LRMDA: variants seen among roughly 807,000 people sequenced by gnomAD.
LRMDA encodes leucine-rich melanocyte differentiation-associated protein.
In LRMDA, 18 loss-of-function variants were observed where a neutral mutation model predicts 29.8. That is an observed-to-expected ratio of 0.60 (90% CI 0.42 to 0.90). The LOEUF is 0.90. Ranked by LOEUF, LRMDA falls within the 40% of genes least tolerant of loss-of-function variation. The probability of loss-of-function intolerance (pLI) is 0.00; values close to 1 mark genes in which losing one functional copy is unlikely to be tolerated. For missense variants in LRMDA, 273 were observed against 273.9 expected (o/e 1.00, Z 0.02); for synonymous variants, 125 against 109.4 (o/e 1.14, Z -0.89).
chr10:75,911,914 T>C (rs1338651965), intron 2 of LRMDA, among the ~76,000 whole-genome samples: 1 of 152,196 alleles, frequency 6.6e-6, no homozygotes, highest in Non-Finnish European at 1.5e-5. Flanking sequence ...TATTACCCTT[T>C]CTGTGTACAT....
chr10:75,433,449 G>T (rs1389020364), intron 1 of LRMDA, among the ~76,000 whole-genome samples: 1 of 152,178 alleles, frequency 6.6e-6, no homozygotes, highest in Non-Finnish European at 1.5e-5. Context: ...GAGCTAAGAA[G>T]GTAGGCTGGG....
chr10:75,731,748 G>C (rs1285925643), intron 2 of LRMDA, among the ~76,000 whole-genome samples: 1 of 152,222 alleles, frequency 6.6e-6, no homozygotes, highest in African/African-American at 2.4e-5. Flanking sequence ...TGATACGATA[G>C]AAATGATGTC....
intron 6 of LRMDA, chr10:76,402,202 A>G (rs1307922415): frequency 6.6e-6 from 1 of 152,214 alleles, no homozygotes; most frequent in Non-Finnish European, 1.5e-5. Context: ...AGGCAGAATA[A>G]TGTGCTAGGT....
At chr10:75,986,885 A>G (rs1162014563) in intron 2 of LRMDA, among the ~76,000 whole-genome samples, 2 of 152,198 alleles carry the variant, frequency 1.3e-5, no homozygotes, top group South Asian at 2.1e-4. Context: ...ACTGAGATTC[A>G]CTTTACTGGT....
chr10:76,378,927 G>A (rs1397474017), intron 6 of LRMDA, among the ~76,000 whole-genome samples: 3 of 142,678 alleles, frequency 2.1e-5, no homozygotes, highest in Non-Finnish European at 4.5e-5. Context: ...CGCCATTTTG[G>A]CTCACTGCAA....
At chr10:75,476,231 A>T (rs974861875) in intron 2 of LRMDA, among the ~76,000 whole-genome samples, 8 of 152,178 alleles carry the variant, frequency 5.3e-5, no homozygotes, top group Non-Finnish European at 1.2e-4. Context: ...TTAATTTTTT[A>T]AAAAATCATT....
At chr10:76,352,487 G>A (rs1039434260) in intron 6 of LRMDA, among the ~76,000 whole-genome samples, 2 of 152,054 alleles carry the variant, frequency 1.3e-5, no homozygotes, top group Non-Finnish European at 2.9e-5. Flanking sequence ...TATACAGAAT[G>A]GACACACTGG....
chr10:76,058,830 G>T (rs939073730), intron 5 of LRMDA, 47 bp downstream of exon 5: 19 of 1,443,430 alleles, frequency 1.3e-5, no homozygotes, highest in Non-Finnish European at 1.8e-5. Context: ...ACATCTCATG[G>T]CAGTGCTTAC....
intron 6 of LRMDA, among the ~76,000 whole-genome samples, chr10:76,442,228 G>A (rs766760579): frequency 3.3e-5 from 5 of 152,270 alleles, no homozygotes; most frequent in South Asian, 2.1e-4. Flanking sequence ...AAGCAAAAAT[G>A]TTTAGTAGAA....
At chr10:76,459,041 T>C (rs1309764071) in intron 6 of LRMDA, among the ~76,000 whole-genome samples, 1 of 152,166 alleles carries the variant, frequency 6.6e-6, no homozygotes, top group Non-Finnish European at 1.5e-5. Context: ...ACATTTCTTA[T>C]TCCTTTTGGT....
At chr10:75,585,145 C>T (rs1032782932) in intron 2 of LRMDA, among the ~76,000 whole-genome samples, 2 of 152,160 alleles carry the variant, frequency 1.3e-5, no homozygotes, top group South Asian at 2.1e-4. Flanking sequence ...TCCCAGTCAC[C>T]GCTTGTACCC....
chr10:76,073,796 TG>T (rs771846465), intron 5 of LRMDA, among the ~76,000 whole-genome samples: 8 of 152,204 alleles, frequency 5.3e-5, no homozygotes, highest in Non-Finnish European at 7.3e-5. Context: ...TCTTTGGAAA[TG>T]AGTTTCCTAG....
chr10:75,950,334 T>A (rs1055188675), intron 2 of LRMDA, among the ~76,000 whole-genome samples: 2 of 152,330 alleles, frequency 1.3e-5, no homozygotes, highest in South Asian at 2.1e-4. Context: ...AGCTTCCCTG[T>A]CCTTGAATAT....
chr10:76,036,057 G>A lies in LRMDA; in HGVS notation c.181G>A (p.Asp61Asn), dbSNP rs1426533531. 1.2e-5 allele frequency: 20 copies of A among 1,613,990 alleles called. No homozygotes were observed. The highest frequency in any genetic ancestry group is 1.7e-5 in the Non-Finnish European group (20 of 1,180,046). The change falls in exon 3 of 7, where the codon GAC becomes AAC. Residue 61 changes from aspartate (D) to asparagine (N), a missense_variant. Transcript: ENST00000611255. The stretch of plus-strand genomic sequence containing the variant: ...CAGGAGCCTGGAGGAACTCATCTTG[G>A]ACAACAATCAGCTGGGGGACGACCT... ...AFRSLEELIL[D>N]NNQLGDDLVL...
intron 2 of LRMDA, among the ~76,000 whole-genome samples, chr10:75,888,906 G>A (rs981642772): frequency 6.6e-6 from 1 of 152,204 alleles, no homozygotes; most frequent in Non-Finnish European, 1.5e-5. Context: ...TAGGTATTAG[G>A]ATAAAAATGG....
intron 2 of LRMDA, among the ~76,000 whole-genome samples, chr10:75,996,167 G>T (rs1053855851): frequency 6.6e-6 from 1 of 152,142 alleles, no homozygotes; most frequent in Admixed American, 6.5e-5. Context: ...ACCAGTTTGG[G>T]TCCTAAAATC....
intron 6 of LRMDA, among the ~76,000 whole-genome samples, chr10:76,446,359 TA>T (rs1384231038): frequency 6.6e-6 from 1 of 152,180 alleles, no homozygotes; most frequent in Non-Finnish European, 1.5e-5. Flanking sequence ...CAACCCTCCA[TA>T]TCCATGGTTT....
chr10:76,237,517 G>A (rs1162701778), intron 5 of LRMDA, among the ~76,000 whole-genome samples: 2 of 152,194 alleles, frequency 1.3e-5, no homozygotes, highest in African/African-American at 4.8e-5. Flanking sequence ...AATACTGTAT[G>A]TTGATCTTTT....
intron 2 of LRMDA, among the ~76,000 whole-genome samples, chr10:75,944,669 T>C (rs1229611999): frequency 6.6e-6 from 1 of 150,966 alleles, no homozygotes; most frequent in African/African-American, 2.4e-5. Flanking sequence ...GTCACTGAAC[T>C]TTTCCCATTT....
Sources: gnomAD v4.1 joint callset for allele counts (sites outside exome capture counted in the v4.1 genomes callset) on GRCh38, gnomAD v4.1.1 for gene constraint, MANE v1.5 for transcripts, NCBI Gene and HGNC (gene_info 2026-07-23, HGNC 2026-07-21) for gene names.